Variants in ADAD1 observed in about 807,000 individuals in gnomAD.
ADAD1 encodes the protein adenosine deaminase domain containing 1, also known as adenosine deaminase domain-containing protein 1.
A neutral mutation model predicts 66.8 loss-of-function variants in ADAD1; 46 were observed. The ratio of observed to expected loss-of-function variants is 0.69; its 90% confidence interval spans 0.54 to 0.88. The LOEUF is 0.88. Ranked by LOEUF, ADAD1 falls within the 40% of genes least tolerant of loss-of-function variation. The pLI is 0.00. For missense variants in ADAD1, 617 were observed against 681.8 expected (o/e 0.91, Z 1.06); for synonymous variants, 248 against 229.4 (o/e 1.08, Z -0.73).
chr4:122,384,958 A>G (rs1795093046), intron 5 of ADAD1, among the ~76,000 whole-genome samples: 1 of 152,176 alleles, frequency 6.6e-6, no homozygotes, highest in South Asian at 2.1e-4. Flanking sequence ...TTCTTTAACG[A>G]TATATTCTGT....
chr4:122,416,276 A>G (rs1352977909), intron 11 of ADAD1, among the ~76,000 whole-genome samples: 2 of 152,192 alleles, frequency 1.3e-5, no homozygotes, highest in Non-Finnish European at 2.9e-5. Flanking sequence ...CCTTCTAGAC[A>G]TTTCTTCGTA....
intron 7 of ADAD1, among the ~76,000 whole-genome samples, chr4:122,406,377 G>T (rs1172709677): frequency 6.6e-6 from 1 of 152,086 alleles, no homozygotes; most frequent in Admixed American, 6.5e-5. Context: ...GAAAATGTCT[G>T]TTCAGGTTCT....
chr4:122,398,268 C>G (rs1795807284), intron 7 of ADAD1, among the ~76,000 whole-genome samples: 1 of 151,898 alleles, frequency 6.6e-6, no homozygotes, highest in South Asian at 2.1e-4. Flanking sequence ...CTCGTTACTT[C>G]CCTTAGAATA....
intron 10 of ADAD1, 117 bp from the exon 11 acceptor site, chr4:122,415,262 A>T: frequency 1.4e-6 from 1 of 729,956 alleles, no homozygotes; most frequent in Non-Finnish European, 2.2e-6. Flanking sequence ...AGGAAAGGGA[A>T]GGTTGAAAGA....
chr4:122,409,904 C>T (rs1796393533), intron 8 of ADAD1, among the ~76,000 whole-genome samples: 1 of 151,976 alleles, frequency 6.6e-6, no homozygotes, highest in Non-Finnish European at 1.5e-5. Flanking sequence ...CTGGTCTTGA[C>T]CTCCTGACCT....
chr4:122,420,500 T>C (rs1796953224), intron 11 of ADAD1, among the ~76,000 whole-genome samples: 1 of 152,220 alleles, frequency 6.6e-6, no homozygotes, highest in African/African-American at 2.4e-5. Context: ...ACACTGTCTA[T>C]TGTGTTTGCT....
At chr4:122,411,492 T>G (rs1796465501) in intron 9 of ADAD1, 100 bp downstream of exon 9, 1 of 1,197,406 alleles carries the variant, frequency 8.4e-7, no homozygotes, top group Non-Finnish European at 1.2e-6. Context: ...TAATTACCCG[T>G]ATTTTCTCTT....
chr4:122,388,538 A>G (rs1466343543), intron 5 of ADAD1, among the ~76,000 whole-genome samples: 1 of 152,140 alleles, frequency 6.6e-6, no homozygotes, highest in East Asian at 1.9e-4. Context: ...TGCTGCCTCA[A>G]TTTCAGAGCT....
intron 11 of ADAD1, among the ~76,000 whole-genome samples, chr4:122,419,812 G>A (rs1230368124): frequency 2.0e-5 from 3 of 152,048 alleles, no homozygotes; most frequent in African/African-American, 7.2e-5. Flanking sequence ...TTCTAAGAAG[G>A]TGTATAAATA....
At chr4:122,418,447 C>A (rs904182894) in intron 11 of ADAD1, among the ~76,000 whole-genome samples, 2 of 151,698 alleles carry the variant, frequency 1.3e-5, no homozygotes, top group African/African-American at 2.4e-5. Context: ...CTCAGCCTCC[C>A]GAGTAGCTGA....
At chr4:122,407,045 C>T (rs1007049002) in intron 7 of ADAD1, among the ~76,000 whole-genome samples, 6 of 151,710 alleles carry the variant, frequency 4.0e-5, no homozygotes, top group African/African-American at 4.8e-5. Context: ...TTGGTAACAC[C>T]TCAGCAATTG....
At chr4:122,396,404 A>C (rs1014946154) in intron 7 of ADAD1, 27 bp downstream of exon 7, 4 of 1,525,358 alleles carry the variant, frequency 2.6e-6, no homozygotes, top group Non-Finnish European at 3.5e-6. Context: ...GGGAAAAACT[A>C]ATATTGTAAT....
At chr4:122,415,961 T>C (rs1172708668) in intron 11 of ADAD1, among the ~76,000 whole-genome samples, 1 of 152,130 alleles carries the variant, frequency 6.6e-6, no homozygotes, top group Non-Finnish European at 1.5e-5. Context: ...TGTAAATTTT[T>C]TTAGAAATTC....
intron 6 of ADAD1, among the ~76,000 whole-genome samples, chr4:122,396,026 T>A (rs999688533): frequency 6.6e-6 from 1 of 152,220 alleles, no homozygotes; most frequent in Non-Finnish European, 1.5e-5. Flanking sequence ...AGTCTGCTAG[T>A]ATGTAATACT....
intron 10 of ADAD1, among the ~76,000 whole-genome samples, chr4:122,413,851 C>CATATATATAT (rs377322878): frequency 0.01 from 1,295 of 126,536 alleles, 25 homozygotes; most frequent in African/African-American, 0.02. Flanking sequence ...TATGATAGAT[C>CATATATATAT]ATATATATAT....
At chr4:122,388,685 G>A (rs2150539151) in intron 5 of ADAD1, among the ~76,000 whole-genome samples, 1 of 152,212 alleles carries the variant, frequency 6.6e-6, no homozygotes, top group East Asian at 1.9e-4. Context: ...TCTGATGATA[G>A]TTTATATTTC....
intron 11 of ADAD1, among the ~76,000 whole-genome samples, chr4:122,421,019 T>C (rs1245595721): frequency 6.6e-6 from 1 of 152,162 alleles, no homozygotes; most frequent in Non-Finnish European, 1.5e-5. Context: ...ACAATAGAAA[T>C]GTTCCAAGGT....
intron 6 of ADAD1, among the ~76,000 whole-genome samples, chr4:122,394,930 C>T (rs1795624980): frequency 6.6e-6 from 1 of 152,106 alleles, no homozygotes; most frequent in Non-Finnish European, 1.5e-5. Context: ...TGGGTAAGAA[C>T]AAGTTTTGGA....
At chr4:122,386,222 A>G (rs1218901561) in intron 5 of ADAD1, among the ~76,000 whole-genome samples, 1 of 152,184 alleles carries the variant, frequency 6.6e-6, no homozygotes, top group Non-Finnish European at 1.5e-5. Flanking sequence ...CTGACTTTTT[A>G]GTAATAGCCA....
Sources: allele counts gnomAD v4.1 joint callset (sites outside exome capture counted in the v4.1 genomes callset), GRCh38; gene constraint gnomAD v4.1.1; transcripts MANE v1.5; gene names NCBI Gene and HGNC (gene_info 2026-07-23, HGNC 2026-07-21).